Variants in BACH2 observed in about 807,000 individuals in gnomAD.
BACH2 encodes BACH transcriptional regulator 2, also known as transcription regulator protein BACH2.
Under a neutral mutation model 61.8 loss-of-function variants are expected in BACH2, and 5 were observed. The ratio of observed to expected loss-of-function variants is 0.08; its 90% CI spans 0.04 to 0.17. The LOEUF (loss-of-function observed/expected upper bound fraction) is 0.17, where lower values mean the gene tolerates loss of function less well. Among genes scored for constraint, BACH2 ranks in the 10% least tolerant of loss-of-function variants. The probability of loss-of-function intolerance (pLI) is 1.00; values close to 1 mark genes in which losing one functional copy is unlikely to be tolerated. For synonymous variants in BACH2, 446 were observed against 440.1 expected (o/e 1.01, Z -0.17); for missense variants, 824 against 1,091.1 (o/e 0.76, Z 3.45).
At chr6:90,257,043 A>G (rs1771001822) in intron 2 of BACH2, among the ~76,000 whole-genome samples, 1 of 152,174 alleles carries the variant, frequency 6.6e-6, no homozygotes, top group Non-Finnish European at 1.5e-5. Context: ...ACAAGCTCTC[A>G]TTATTTTCTA....
chr6:90,076,717 C>T (rs143125613), intron 5 of BACH2, among the ~76,000 whole-genome samples: 4 of 152,218 alleles, frequency 2.6e-5, no homozygotes, highest in African/African-American at 4.8e-5. Context: ...TATACTCCAC[C>T]GTGTCGTGGC....
At chr6:89,982,970 G>A (rs1475034428) in intron 6 of BACH2, among the ~76,000 whole-genome samples, 1 of 152,168 alleles carries the variant, frequency 6.6e-6, no homozygotes, top group African/African-American at 2.4e-5. Context: ...CATAGGCATT[G>A]GAAGACCCAG....
chr6:89,950,774 C>T lies in BACH2; in HGVS notation c.1332G>A (p.Ser444=), dbSNP rs184575997. Residue 444 remains serine, a synonymous_variant, in exon 7 of 9, where the codon TCG becomes TCA. Transcript: ENST00000257749. This position sits in a 1 kb window ranked among gnomAD's most constrained non-coding sequence, Gnocchi z 5.3. Reference sequence around the variant, plus strand: ...TGCTCACCCCAGAATAAGAATGCACCGAGGTGCTCACTTGGTCACAAGCGC... The same window carrying T: ...TGCTCACCCCAGAATAAGAATGCACTGAGGTGCTCACTTGGTCACAAGCGC... The part of the protein sequence containing the change: ...SSSACDQVST[S]VHSYSGVSSL... 140 of 1,614,160 alleles carry T rather than the reference C, an allele frequency of 8.7e-5. 1 individual carries two copies. The Admixed American group carries it at 1.8e-3, about 21-fold the overall frequency.
chr6:90,072,662 C>T (rs1006031281), intron 5 of BACH2, among the ~76,000 whole-genome samples: 5 of 152,142 alleles, frequency 3.3e-5, no homozygotes, highest in African/African-American at 1.2e-4. Context: ...GTGAAAAGTG[C>T]ACAATGACTC....
intron 3 of BACH2, among the ~76,000 whole-genome samples, chr6:90,241,841 G>A (rs1466940906): frequency 6.6e-6 from 1 of 150,970 alleles, no homozygotes; most frequent in Admixed American, 6.6e-5. Context: ...ATAAGGTGGG[G>A]AATATTATAT....
At chr6:90,086,920 AAT>A (rs1781957190) in intron 5 of BACH2, among the ~76,000 whole-genome samples, 1 of 152,180 alleles carries the variant, frequency 6.6e-6, no homozygotes, top group Non-Finnish European at 1.5e-5. Flanking sequence ...AGGGTGGAGT[AAT>A]AATAATTACA....
chr6:90,042,991 G>T (rs1322061690), intron 5 of BACH2, among the ~76,000 whole-genome samples: 1 of 152,154 alleles, frequency 6.6e-6, no homozygotes, highest in East Asian at 1.9e-4. Flanking sequence ...GTACAGAGAG[G>T]TACAGTTGAT....
At chr6:90,162,359 C>A (rs2127833680) in intron 4 of BACH2, among the ~76,000 whole-genome samples, 1 of 152,228 alleles carries the variant, frequency 6.6e-6, no homozygotes, top group Non-Finnish European at 1.5e-5. Context: ...GAGACCAGGG[C>A]CAGGTGTGGT....
At chr6:90,127,357 G>C (rs371184743) in intron 4 of BACH2, among the ~76,000 whole-genome samples, 1 of 152,110 alleles carries the variant, frequency 6.6e-6, no homozygotes, top group South Asian at 2.1e-4. Context: ...CCTCTCCCCC[G>C]GCCTCTGTTA....
intron 6 of BACH2, among the ~76,000 whole-genome samples, chr6:90,006,987 G>C (rs996819235): frequency 6.6e-6 from 1 of 152,120 alleles, no homozygotes; most frequent in African/African-American, 2.4e-5. Flanking sequence ...TGCTTAACAA[G>C]GGTCTGGGAT....
intron 6 of BACH2, among the ~76,000 whole-genome samples, chr6:89,978,155 C>T (rs892610880): frequency 2.4e-4 from 36 of 152,142 alleles, no homozygotes; most frequent in African/African-American, 8.5e-4. Context: ...GTGCTGCAAC[C>T]ATTAATAGCA....
chr6:90,219,213 C>T (rs551839470), intron 3 of BACH2, among the ~76,000 whole-genome samples: 4 of 152,146 alleles, frequency 2.6e-5, no homozygotes, highest in African/African-American at 4.8e-5. Context: ...GTATGCCCAG[C>T]GCCTGCAGTG....
chr6:90,086,140 G>A (rs771150295), intron 5 of BACH2, among the ~76,000 whole-genome samples: 3 of 152,220 alleles, frequency 2.0e-5, no homozygotes, highest in East Asian at 1.9e-4. Flanking sequence ...CCTCCATGTC[G>A]TTAGCATGTG....
intron 4 of BACH2, among the ~76,000 whole-genome samples, chr6:90,175,606 G>A (rs1346250260): frequency 1.3e-5 from 2 of 151,878 alleles, no homozygotes. Flanking sequence ...CTGGGGGTTG[G>A]GAAATCAGAT....
chr6:90,250,277 A>G (rs1770764434), intron 3 of BACH2, among the ~76,000 whole-genome samples: 1 of 152,218 alleles, frequency 6.6e-6, no homozygotes, highest in East Asian at 1.9e-4. Context: ...TGCAATCTAC[A>G]CTAAGAATAC....
At chr6:89,975,421 T>C (rs1775598685) in intron 6 of BACH2, among the ~76,000 whole-genome samples, 1 of 152,246 alleles carries the variant, frequency 6.6e-6, no homozygotes, top group East Asian at 1.9e-4. Flanking sequence ...CTCTCTTCTA[T>C]TCAAACACTT....
intron 5 of BACH2, among the ~76,000 whole-genome samples, chr6:90,064,889 C>T (rs1780866006): frequency 6.6e-6 from 1 of 152,122 alleles, no homozygotes; most frequent in Non-Finnish European, 1.5e-5. Context: ...TCCCTTCCTC[C>T]AAAAATTCCA....
Position 89,932,585 on chromosome 6 carries a change from G to A in BACH2, c.2349C>T (p.Pro783=). Residue 783 remains proline (P), a synonymous_variant, in exon 9 of 9, where the codon CCC becomes CCT. Coordinates refer to ENST00000257749, the MANE Select transcript of BACH2 (RefSeq NM_021813.4). ...GAAPPGPPWA[P]SNTSENCTSG... ...AGGTACAATTCTCGGAGGTGTTGCT[G>A]GGTGCCCAGGGGGGTCCGGGGGGAG... 6.2e-7 allele frequency: 1 copy of A among 1,614,058 alleles called. No homozygotes were observed. The highest frequency in any genetic ancestry group is 8.5e-7 in the Non-Finnish European group (1 of 1,180,010).
At chr6:90,189,613 T>TC (rs1768492792) in intron 4 of BACH2, among the ~76,000 whole-genome samples, 1 of 51,366 alleles carries the variant, frequency 1.9e-5, no homozygotes, top group Non-Finnish European at 3.2e-5. Flanking sequence ...AGACTCCGTC[T>TC]CAAAAAAAAA....
Sources: allele counts gnomAD v4.1 joint callset (sites outside exome capture counted in the v4.1 genomes callset), GRCh38; gene constraint gnomAD v4.1.1; non-coding constraint Gnocchi (gnomAD v3.1); transcripts MANE v1.5; gene names NCBI Gene and HGNC (gene_info 2026-07-23, HGNC 2026-07-21).